TCEA1: variants seen among roughly 807,000 people sequenced by gnomAD.
TCEA1 encodes transcription elongation factor A protein 1.
A neutral mutation model predicts 43.8 loss-of-function variants in TCEA1; 21 were observed. That is an observed-to-expected ratio of 0.48 (90% CI 0.34 to 0.69). TCEA1 has a LOEUF of 0.69. Ranked by LOEUF, TCEA1 falls within the 30% of genes least tolerant of loss-of-function variation. The pLI is 0.01. For missense variants in TCEA1, 250 were observed against 365.1 expected, an observed-to-expected ratio of 0.68 and a Z score of 2.57; for synonymous variants, 104 against 117.5, an observed-to-expected ratio of 0.88 and a Z score of 0.75.
intron 8 of TCEA1, chr8:53,973,768 T>C: frequency 2.1e-6 from 1 of 484,638 alleles, no homozygotes. Flanking sequence ...TCCCACTTGT[T>C]CAATGTGCAT....
At chr8:53,979,605 G>C (rs1303144972) in intron 7 of TCEA1, among the ~76,000 whole-genome samples, 4 of 152,182 alleles carry the variant, frequency 2.6e-5, no homozygotes, top group African/African-American at 7.2e-5. Context: ...TCCTTGTTCA[G>C]AGCCTGAGAT....
rs1803208869 is a variant in TCEA1, at chr8:53,972,944, TATATATC to T, written c.826-2488_826-2482del. On this transcript the variant is annotated intron_variant, in intron 8 of 9. Coordinates refer to ENST00000521604, the MANE Select transcript of TCEA1 (RefSeq NM_006756.4). ...TGTATTTAACAGCATATAAACTAAATATATATCATATCTGCTGCAATGGGAACATCAA... is the reference window on the plus strand; with the variant it reads ...TGTATTTAACAGCATATAAACTAAATATATCTGCTGCAATGGGAACATCAA... 97 of 661,046 alleles carry T rather than the reference TATATATC, an allele frequency of 1.5e-4. 1 individual carries two copies. The highest frequency in any genetic ancestry group is 1.4e-3 in the South Asian group (96 of 70,164). The allele number at this position is 661,046 out of a possible 1,614,324, so 40.9% of individuals were successfully genotyped here.
chr8:54,021,857 C>A (rs988761256), intron 1 of TCEA1: 4 of 414,966 alleles, frequency 9.6e-6, no homozygotes, highest in Non-Finnish European at 1.7e-5. Flanking sequence ...ACTGGAAATA[C>A]AAGAGCGAGC....
At position 54,000,643 on chromosome 8, in the gene TCEA1, T is replaced by C. The variant is rs117879012; in HGVS notation, c.127-593A>G. Among the ~76,000 whole-genome samples, 783 of 152,252 alleles carry C rather than the reference T, an allele frequency of 5.1e-3. 15 individuals carry two copies. The highest frequency in any genetic ancestry group is 0.035 in the East Asian group (183 of 5,182). ...TGCTTAGAGCATCCACATTCATCAA[T>C]CTTTCTAACAACCCTTCAAAGTTGA... On this transcript the variant is annotated intron_variant, in intron 2 of 9. Coordinates refer to ENST00000521604, the MANE Select transcript of TCEA1 (RefSeq NM_006756.4).
chr8:54,020,512 G>A (rs762359481), intron 1 of TCEA1, among the ~76,000 whole-genome samples: 1 of 152,210 alleles, frequency 6.6e-6, no homozygotes, highest in South Asian at 2.1e-4. Context: ...GATGTTTGAA[G>A]TCTTACGTAT....
intron 3 of TCEA1, among the ~76,000 whole-genome samples, chr8:53,995,021 T>C (rs7007176): frequency 0.17 from 25,693 of 151,846 alleles, 6,141 homozygotes; most frequent in African/African-American, 0.54. Context: ...CTGCCTGGGG[T>C]CAAATGTGGT....
chr8:53,975,597 A>T (rs1292673618), intron 8 of TCEA1, among the ~76,000 whole-genome samples: 1 of 152,234 alleles, frequency 6.6e-6, no homozygotes. Context: ...CAACACAGAT[A>T]AACCTTGCAG....
rs1234650618 is a variant in TCEA1 at position 53,967,466 on chromosome 8, A to G, written c.*638T>C. On this transcript the variant is annotated 3_prime_UTR_variant, in exon 10 of 10. Transcript: ENST00000521604. The stretch of plus-strand genomic sequence containing the variant: ...AAGTCTTGTTTCCAAAAATCTATTA[A>G]GAACAAGTAATATACATGTACAAGA... The G allele has an allele frequency of 1.0e-5, 2 of 198,214 alleles. No individual in the cohort carries two copies. The highest frequency in any genetic ancestry group is 4.6e-5 in the African/African-American group (2 of 43,492). 12.3% of individuals were successfully genotyped at this position (198,214 alleles called of 1,614,324 possible). A position where few individuals can be genotyped will look rare whatever the true frequency, so the allele number is the denominator to read the frequency against.
At chr8:53,985,396 A>C (rs1308599965) in intron 6 of TCEA1, among the ~76,000 whole-genome samples, 1 of 152,208 alleles carries the variant, frequency 6.6e-6, no homozygotes, top group East Asian at 1.9e-4. Context: ...TCAAGTACTC[A>C]ACATGAGAAA....
At chr8:54,021,949 C>A in intron 1 of TCEA1, 114 bp downstream of exon 1, 2 of 1,113,936 alleles carry the variant, frequency 1.8e-6, no homozygotes, top group Non-Finnish European at 2.4e-6. Context: ...GCGGGCCCGG[C>A]TCCCAGACGG....
At chr8:54,009,552 A>G (rs1004170146) in intron 2 of TCEA1, among the ~76,000 whole-genome samples, 5 of 152,206 alleles carry the variant, frequency 3.3e-5, no homozygotes, top group Admixed American at 3.3e-4. Context: ...ATGTTAACTG[A>G]AATAAGCCAG....
At chr8:53,999,860 C>T (rs1804198282) in intron 3 of TCEA1, 85 bp downstream of exon 3, 1 of 949,472 alleles carries the variant, frequency 1.1e-6, no homozygotes, top group South Asian at 1.4e-5. Flanking sequence ...AAAAATGTAA[C>T]CATTAACTAA....
chr8:54,003,744 TC>T (rs1396688653), intron 2 of TCEA1, among the ~76,000 whole-genome samples: 1 of 152,112 alleles, frequency 6.6e-6, no homozygotes, highest in Non-Finnish European at 1.5e-5. Context: ...GGGAATGGTT[TC>T]TTGGATATGA....
At chr8:53,977,656 A>G (rs1403271097) in intron 8 of TCEA1, among the ~76,000 whole-genome samples, 3 of 152,044 alleles carry the variant, frequency 2.0e-5, no homozygotes, top group African/African-American at 7.3e-5. Flanking sequence ...TTGAGTTTAC[A>G]GCAGATAACA....
chr8:54,003,645 G>A (rs1321917649), intron 2 of TCEA1, among the ~76,000 whole-genome samples: 2 of 152,086 alleles, frequency 1.3e-5, no homozygotes, highest in East Asian at 1.9e-4. Flanking sequence ...ACATCCACAT[G>A]TAAAAGAATA....
chr8:53,983,632 C>A (rs1383742195), intron 7 of TCEA1, among the ~76,000 whole-genome samples: 1 of 150,842 alleles, frequency 6.6e-6, no homozygotes, highest in Non-Finnish European at 1.5e-5. Context: ...TATGCCATTG[C>A]ATCCCAGCCC....
At chr8:53,983,581 T>C (rs542350180) in intron 7 of TCEA1, among the ~76,000 whole-genome samples, 2 of 152,056 alleles carry the variant, frequency 1.3e-5, no homozygotes, top group South Asian at 2.1e-4. Flanking sequence ...AGCAGGAGAA[T>C]CGCTTGAACC....
chr8:53,973,566 C>T, intron 8 of TCEA1: 2 of 540,524 alleles, frequency 3.7e-6, no homozygotes. Context: ...AGATGAAAGG[C>T]TGAAATGGCT....
chr8:53,992,999 C>T (rs900014740), intron 4 of TCEA1, among the ~76,000 whole-genome samples: 5 of 149,332 alleles, frequency 3.3e-5, no homozygotes, highest in African/African-American at 1.3e-4. Flanking sequence ...ATTGCTCAGG[C>T]TGGAGTGCAG....
Sources: gnomAD v4.1 joint callset for allele counts (sites outside exome capture counted in the v4.1 genomes callset) on GRCh38, gnomAD v4.1.1 for gene constraint, MANE v1.5 for transcripts, NCBI Gene and HGNC (gene_info 2026-07-23, HGNC 2026-07-21) for gene names.